PDGFC: variants seen among roughly 807,000 people sequenced by gnomAD.
The protein encoded by PDGFC is platelet-derived growth factor C.
Under a neutral mutation model 35.5 loss-of-function variants are expected in PDGFC, and 12 were observed. That is an observed-to-expected ratio of 0.34 (90% CI 0.22 to 0.55). The LOEUF (loss-of-function observed/expected upper bound fraction) is 0.55. Among genes scored for constraint, PDGFC ranks in the 20% least tolerant of loss-of-function variants. The pLI, the probability that PDGFC is intolerant of heterozygous loss-of-function variation, is 0.91. For missense variants in PDGFC, 322 were observed against 412.4 expected (o/e 0.78, Z 1.90); for synonymous variants, 159 against 148.8 (o/e 1.07, Z -0.50).
intron 3 of PDGFC, among the ~76,000 whole-genome samples, chr4:156,784,302 T>C (rs996447509): frequency 6.6e-6 from 1 of 152,092 alleles, no homozygotes; most frequent in Non-Finnish European, 1.5e-5. Flanking sequence ...AATAGATCAA[T>C]CTAAGGGTCG....
intron 1 of PDGFC, among the ~76,000 whole-genome samples, chr4:156,901,511 A>T (rs1417904471): frequency 1.3e-5 from 2 of 152,178 alleles, no homozygotes; most frequent in Non-Finnish European, 2.9e-5. Context: ...GAAATGAAAT[A>T]AGAAGTTGGA....
At chr4:156,852,527 T>C (rs1258496762) in intron 1 of PDGFC, among the ~76,000 whole-genome samples, 3 of 152,210 alleles carry the variant, frequency 2.0e-5, no homozygotes, top group Non-Finnish European at 4.4e-5. Flanking sequence ...TATCTTCTTT[T>C]ATCTTCGCAC....
At chr4:156,823,225 C>G (rs2110984762) in intron 2 of PDGFC, among the ~76,000 whole-genome samples, 1 of 152,162 alleles carries the variant, frequency 6.6e-6, no homozygotes, top group East Asian at 1.9e-4. Flanking sequence ...GACAACATAG[C>G]AAGACCCTGT....
chr4:156,971,669 C>A lies in PDGFC; in HGVS notation c.-766G>T, dbSNP rs955473423. Reference sequence around the variant, plus strand: ...GTTCACCTTGTTCGGGCTCGTCCCCCGCTCCTCAAAGCCTGGGGCAATTCG... The same window carrying A: ...GTTCACCTTGTTCGGGCTCGTCCCCAGCTCCTCAAAGCCTGGGGCAATTCG... On this transcript the variant is annotated 5_prime_UTR_variant, in exon 1 of 6. Coordinates refer to ENST00000502773, the MANE Select transcript of PDGFC (RefSeq NM_016205.3). 5.3e-5 allele frequency among the ~76,000 whole-genome samples: 8 copies of A among 151,878 alleles called. No homozygotes were observed. The highest frequency in any genetic ancestry group is 1.9e-4 in the African/African-American group (8 of 41,404).
chr4:156,842,955 T>C (rs1012033077), intron 2 of PDGFC, among the ~76,000 whole-genome samples: 12 of 152,286 alleles, frequency 7.9e-5, no homozygotes, highest in African/African-American at 2.9e-4. Context: ...TTACTTCTTA[T>C]TTAAAGCCAC....
chr4:156,867,516 AG>A (rs1237840694), intron 1 of PDGFC, among the ~76,000 whole-genome samples: 1 of 152,222 alleles, frequency 6.6e-6, no homozygotes, highest in East Asian at 1.9e-4. Flanking sequence ...GTGCGCACAG[AG>A]CTATGTTAAC....
intron 1 of PDGFC, among the ~76,000 whole-genome samples, chr4:156,866,407 A>G (rs1347239227): frequency 6.6e-6 from 1 of 152,182 alleles, no homozygotes; most frequent in Non-Finnish European, 1.5e-5. Flanking sequence ...CAAGGATTGC[A>G]TATGTTGTAT....
intron 1 of PDGFC, among the ~76,000 whole-genome samples, chr4:156,925,229 A>G (rs1309265978): frequency 6.6e-6 from 1 of 152,206 alleles, no homozygotes; most frequent in East Asian, 1.9e-4. Context: ...GGTAAAGGCC[A>G]GATCACCAAA....
At chr4:156,796,353 A>G (rs1731440799) in intron 3 of PDGFC, among the ~76,000 whole-genome samples, 1 of 151,886 alleles carries the variant, frequency 6.6e-6, no homozygotes, top group Non-Finnish European at 1.5e-5. Flanking sequence ...ATTTTTATTT[A>G]TTCATAATTT....
intron 1 of PDGFC, among the ~76,000 whole-genome samples, chr4:156,930,807 T>A (rs910942988): frequency 6.6e-6 from 1 of 152,118 alleles, no homozygotes; most frequent in African/African-American, 2.4e-5. Context: ...GGCCGGAGGT[T>A]GCAGTGAGCC....
intron 3 of PDGFC, among the ~76,000 whole-genome samples, chr4:156,776,353 T>C (rs78038533): frequency 6.6e-6 from 1 of 152,206 alleles, no homozygotes; most frequent in South Asian, 2.1e-4. Flanking sequence ...TTATTCTTCA[T>C]AAAAATATGA....
chr4:156,851,206 ACT>A (rs530748831), intron 1 of PDGFC, among the ~76,000 whole-genome samples: 216 of 152,292 alleles, frequency 1.4e-3, no homozygotes, highest in Non-Finnish European at 2.3e-3. Flanking sequence ...ATCTTAAATG[ACT>A]CTGAAAAGTA....
chr4:156,824,349 C>CATAT (rs376453314), intron 2 of PDGFC, among the ~76,000 whole-genome samples: 1 of 134,510 alleles, frequency 7.4e-6, no homozygotes, highest in Non-Finnish European at 1.6e-5. Context: ...CACACACACA[C>CATAT]ATATACACAC....
At chr4:156,794,655 G>A (rs1231663622) in intron 3 of PDGFC, among the ~76,000 whole-genome samples, 1 of 151,718 alleles carries the variant, frequency 6.6e-6, no homozygotes, top group Non-Finnish European at 1.5e-5. Flanking sequence ...CCTTCATCTG[G>A]AATTCTATTA....
intron 1 of PDGFC, among the ~76,000 whole-genome samples, chr4:156,871,383 A>T (rs953577081): frequency 6.6e-6 from 1 of 152,138 alleles, no homozygotes; most frequent in Non-Finnish European, 1.5e-5. Context: ...CTAACCAAAA[A>T]ATTAAAGCAT....
At chr4:156,905,880 T>C (rs1042294846) in intron 1 of PDGFC, among the ~76,000 whole-genome samples, 2 of 151,922 alleles carry the variant, frequency 1.3e-5, no homozygotes, top group Non-Finnish European at 2.9e-5. Flanking sequence ...ATGTACTATA[T>C]CACATTTAAT....
chr4:156,902,080 C>T (rs1730802700), intron 1 of PDGFC, among the ~76,000 whole-genome samples: 2 of 152,012 alleles, frequency 1.3e-5, no homozygotes, highest in African/African-American at 4.8e-5. Flanking sequence ...TAATGAAGAC[C>T]AAAATAGTAA....
intron 2 of PDGFC, among the ~76,000 whole-genome samples, chr4:156,849,911 T>G (rs938380148): frequency 6.6e-6 from 1 of 152,060 alleles, no homozygotes; most frequent in Admixed American, 6.6e-5. Flanking sequence ...ACAACTACAG[T>G]CCTTTATACA....
chr4:156,826,310 A>C (rs1177153991), intron 2 of PDGFC, among the ~76,000 whole-genome samples: 1 of 143,150 alleles, frequency 7.0e-6, no homozygotes, highest in Non-Finnish European at 1.5e-5. Context: ...CTCCTGCCTC[A>C]GCCTCCTGAG....
Sources: allele counts gnomAD v4.1 joint callset (sites outside exome capture counted in the v4.1 genomes callset), GRCh38; gene constraint gnomAD v4.1.1; transcripts MANE v1.5; gene names NCBI Gene and HGNC (gene_info 2026-07-23, HGNC 2026-07-21).